The following SPDEF variants were observed in gnomAD, a reference collection of about 807,000 sequenced individuals.
The protein encoded by SPDEF is SAM pointed domain containing ETS transcription factor, also known as SAM pointed domain-containing Ets transcription factor.
A neutral mutation model predicts 36.0 loss-of-function variants in SPDEF; 12 were observed. That is an observed-to-expected ratio of 0.33 (90% CI 0.21 to 0.54). The LOEUF (loss-of-function observed/expected upper bound fraction) is 0.54. Among genes scored for constraint, SPDEF ranks in the 20% least tolerant of loss-of-function variants. The pLI is 0.93. For synonymous variants in SPDEF, 205 were observed against 193.0 expected, an observed-to-expected ratio of 1.06 and a Z score of -0.51; for missense variants, 388 against 456.9, an observed-to-expected ratio of 0.85 and a Z score of 1.37.
intron 1 of SPDEF, among the ~76,000 whole-genome samples, chr6:34,554,269 A>G (rs538669102): frequency 2.6e-5 from 4 of 152,282 alleles, no homozygotes; most frequent in Non-Finnish European, 4.4e-5. Context: ...TTATACTCAC[A>G]ACGACCTCAG....
In SPDEF at chr6:34,539,487, G is replaced by A. The variant is rs769879073; in HGVS notation, c.682+28C>T. ...ACCCCTCCACCCCACCCGAGCCCCC[G>A]CCTCCACCCTGCCGCTGCCTGGCTC... On this transcript the variant is annotated intron_variant, in intron 4 of 5. Transcript: ENST00000374037. This position sits in a 1 kb window ranked among gnomAD's most constrained non-coding sequence, Gnocchi z 5.2. The A allele has an allele frequency of 1.4e-5, 21 of 1,532,978 alleles. No homozygotes were observed. The highest frequency in any genetic ancestry group is 1.8e-5 in the Admixed American group (1 of 55,766). The allele number at this position is 1,532,978 out of a possible 1,614,324, so 95.0% of individuals were successfully genotyped here.
Position 34,538,163 on chromosome 6 carries a change from G to T in SPDEF, c.*111C>A. 3.2e-6 allele frequency: 4 copies of T among 1,242,508 alleles called. No individual in the cohort carries two copies. The highest frequency in any genetic ancestry group is 3.4e-6 in the Non-Finnish European group (3 of 888,586). The allele number at this position is 1,242,508 out of a possible 1,614,324, so 77.0% of individuals were successfully genotyped here. On this transcript the variant is annotated 3_prime_UTR_variant, in exon 6 of 6. Coordinates refer to ENST00000374037, the MANE Select transcript of SPDEF (RefSeq NM_012391.3). The surrounding 1 kb of genome is among the most constrained non-coding windows in gnomAD (Gnocchi z 5.9). The stretch of plus-strand genomic sequence containing the variant: ...CCTCCCTGACCTTGGGCTCTGGAAG[G>T]TCAGAGCAGCAGAGCAGACTGCCCG...
chr6:34,544,147 G>T lies in SPDEF; in HGVS notation c.309C>A (p.Gly103=), dbSNP rs369051893. ...GCCCGCCGGGCACCAAGTCCAGGCTGCCCGCTGGGGCTTGGCTGTCAATGA... is the reference window on the plus strand; with the variant it reads ...GCCCGCCGGGCACCAAGTCCAGGCTTCCCGCTGGGGCTTGGCTGTCAATGA... ...CPVIDSQAPA[G]SLDLVPGGLT... The change falls in exon 2 of 6, where the codon GGC becomes GGA. Residue 103 remains glycine, a synonymous_variant. Coordinates refer to ENST00000374037, the MANE Select transcript of SPDEF (RefSeq NM_012391.3). This position sits in a 1 kb window ranked among gnomAD's most constrained non-coding sequence, Gnocchi z 4.4. 231 of 1,613,760 alleles carry T rather than the reference G, an allele frequency of 1.4e-4. 1 individual carries two copies. The highest frequency in any genetic ancestry group is 1.9e-4 in the Non-Finnish European group (223 of 1,179,946).
rs200023275 is a variant in SPDEF, at chr6:34,544,214, C to A, written c.242G>T (p.Ser81Ile). 1 of 1,613,864 alleles carries A rather than the reference C, an allele frequency of 6.2e-7. No homozygotes were observed. The highest frequency in any genetic ancestry group is 8.5e-7 in the Non-Finnish European group (1 of 1,179,952). ...SSWAAKAPGASSREEPPEEPE... is the reference protein window; with the variant it reads ...SSWAAKAPGAISREEPPEEPE... ...CTCCTCAGGTGGCTCCTCCCGACTG[C>A]TGGCCCCAGGGGCCTTGGCTGCCCA... The change falls in exon 2 of 6, where the codon AGC becomes ATC. Residue 81 changes from serine (S) to isoleucine (I), a missense_variant. Coordinates refer to ENST00000374037, the MANE Select transcript of SPDEF (RefSeq NM_012391.3). This position sits in a 1 kb window ranked among gnomAD's most constrained non-coding sequence, Gnocchi z 4.4.
At chr6:34,548,640 AG>A (rs34750257) in intron 1 of SPDEF, among the ~76,000 whole-genome samples, 1 of 152,224 alleles carries the variant, frequency 6.6e-6, no homozygotes, top group African/African-American at 2.4e-5. Flanking sequence ...GACCAGAACC[AG>A]GGATTGACAT....
intron 2 of SPDEF, among the ~76,000 whole-genome samples, chr6:34,542,455 C>T (rs544672082): frequency 1.2e-4 from 19 of 152,354 alleles, no homozygotes; most frequent in South Asian, 8.3e-4. Context: ...CGGGGCCTTC[C>T]GTCCCACAAG....
At chr6:34,545,808 CGGG>C in intron 1 of SPDEF, among the ~76,000 whole-genome samples, 1 of 151,904 alleles carries the variant, frequency 6.6e-6, no homozygotes, top group Non-Finnish European at 1.5e-5. Flanking sequence ...CTCAGCTACT[CGGG>C]AGGCTGAGGG....
At position 34,552,360 on chromosome 6, in the gene SPDEF, A is replaced by G. The variant is rs1248317238; in HGVS notation, c.-30+3569T>C. Reference sequence around the variant, plus strand: ...ACCGGAGCTCTGCTGCTCCTGCCTGAGGCCCCTTGGCCGATCCTCTTGGCC... The same window carrying G: ...ACCGGAGCTCTGCTGCTCCTGCCTGGGGCCCCTTGGCCGATCCTCTTGGCC... On this transcript the variant is annotated intron_variant, in intron 1 of 5. Coordinates refer to ENST00000374037, the MANE Select transcript of SPDEF (RefSeq NM_012391.3). The surrounding 1 kb of genome is among the most constrained non-coding windows in gnomAD (Gnocchi z 4.6). Among the ~76,000 whole-genome samples the G allele has an allele frequency of 6.6e-6, 1 of 152,230 alleles. No homozygotes were observed. Among genetic ancestry groups the G allele is most frequent in the Non-Finnish European group, 1.5e-5 (1 of 68,050 alleles).
chr6:34,538,128 G>T lies in SPDEF; in HGVS notation c.*146C>A. On this transcript the variant is annotated 3_prime_UTR_variant, in exon 6 of 6. Transcript: ENST00000374037. The surrounding 1 kb of genome is among the most constrained non-coding windows in gnomAD (Gnocchi z 5.9). ...AGAGGACCCATATCCCCCTGGGGCA[G>T]TTGGTTGCCCCTCCCTGACCTTGGG... 1.2e-6 allele frequency: 1 copy of T among 854,014 alleles called. No homozygotes were observed. Among genetic ancestry groups the T allele is most frequent in the Non-Finnish European group, 1.8e-6 (1 of 561,700 alleles). The allele number at this position is 854,014 out of a possible 1,614,324, so 52.9% of individuals were successfully genotyped here. A position where few individuals can be genotyped will look rare whatever the true frequency, so the allele number is the denominator to read the frequency against.
intron 1 of SPDEF, among the ~76,000 whole-genome samples, chr6:34,554,300 C>T (rs758708085): frequency 3.3e-5 from 5 of 152,312 alleles, no homozygotes; most frequent in South Asian, 2.1e-4. Context: ...TGGGTTCTCC[C>T]GGTTTTTGCA....
chr6:34,544,242 T>C lies in SPDEF; in HGVS notation c.214A>G (p.Ser72Gly), dbSNP rs775197790. ...GCCCCAGGGGCCTTGGCTGCCCAGC[T>C]GCTGTCCTCAGGGTACAGCATGTCA... Reference protein sequence around the residue: ...YFDMLYPEDSSWAAKAPGASS... With the variant: ...YFDMLYPEDSGWAAKAPGASS... Residue 72 changes from serine (S) to glycine (G), a missense_variant, in exon 2 of 6, where the codon AGC becomes GGC. Ser to Gly is a moderately conservative substitution (Grantham distance 56, BLOSUM62 0). Transcript: ENST00000374037. The surrounding 1 kb of genome is among the most constrained non-coding windows in gnomAD (Gnocchi z 4.4). The C allele has an allele frequency of 1.9e-5, 31 of 1,613,742 alleles. No individual in the cohort carries two copies. The highest frequency in any genetic ancestry group is 2.6e-5 in the Non-Finnish European group (31 of 1,179,962).
chr6:34,553,177 C>T (rs878873768), intron 1 of SPDEF, among the ~76,000 whole-genome samples: 3 of 152,276 alleles, frequency 2.0e-5, no homozygotes, highest in Admixed American at 2.0e-4. Context: ...GCCTCTCCCT[C>T]CCCAAGTCTG....
chr6:34,539,314 G>A lies in SPDEF; in HGVS notation c.765C>T (p.Leu255=). 1 of 1,613,972 alleles carries A rather than the reference G, an allele frequency of 6.2e-7. No individual in the cohort carries two copies. Among genetic ancestry groups the A allele is most frequent in the Non-Finnish European group, 8.5e-7 (1 of 1,180,050 alleles). The change falls in exon 5 of 6, where the codon CTC becomes CTT. Residue 255 remains leucine, a synonymous_variant. Coordinates refer to ENST00000374037, the MANE Select transcript of SPDEF (RefSeq NM_012391.3). The surrounding 1 kb of genome is among the most constrained non-coding windows in gnomAD (Gnocchi z 5.2). ...TGTGGGGCTTGAGTAGCAACTCCTT[G>A]AGGAACTGCCACAGGTGGATGGGCT... ...SGQPIHLWQF[L]KELLLKPHSY...
At chr6:34,543,071 A>C (rs1210336733) in intron 2 of SPDEF, among the ~76,000 whole-genome samples, 6 of 151,152 alleles carry the variant, frequency 4.0e-5, no homozygotes, top group Non-Finnish European at 8.9e-5. Flanking sequence ...GGGCGCCTGT[A>C]GTCCCAGCTA....
At position 34,539,617 on chromosome 6, in the gene SPDEF, A is replaced by AG; in HGVS notation, c.635-56dup. On this transcript the variant is annotated intron_variant, in intron 3 of 5. Transcript: ENST00000374037. This position sits in a 1 kb window ranked among gnomAD's most constrained non-coding sequence, Gnocchi z 5.2. ...CCAGGAGAGGCCCCGAGGGTGGAGG[A>AG]GGGGAGGCGTTTGGGTGGGACTGTG... 1 of 1,543,326 alleles carries AG rather than the reference A, an allele frequency of 6.5e-7. No homozygotes were observed. Among genetic ancestry groups the AG allele is most frequent in the Non-Finnish European group, 8.8e-7 (1 of 1,141,946 alleles).
At chr6:34,540,477 G>A (rs1393537619) in intron 3 of SPDEF, among the ~76,000 whole-genome samples, 1 of 151,826 alleles carries the variant, frequency 6.6e-6, no homozygotes, top group Non-Finnish European at 1.5e-5. Flanking sequence ...GACTTTCCCT[G>A]GAAAGATACT....
rs201119153 is a variant in SPDEF at position 34,541,118 on chromosome 6, C to T, written c.500G>A (p.Arg167Gln). The change falls in exon 3 of 6, where the codon CGG becomes CAG. Residue 167 changes from arginine (R) to glutamine (Q), a missense_variant. Arg to Gln is a conservative substitution (Grantham distance 43). This residue lies in a region of SPDEF where 308 missense variants were observed against 326.1 expected (regional missense o/e 0.94). Coordinates refer to ENST00000374037, the MANE Select transcript of SPDEF (RefSeq NM_012391.3). ...GAAGGCCTTGCCCATGGGGGGCAGC[C>T]GGTATTGGTGCTCTGTCCACAGGAG... ...KWLLWTEHQY[R>Q]LPPMGKAFQE... 1.2e-5 allele frequency: 20 copies of T among 1,610,146 alleles called. No individual in the cohort carries two copies. The highest frequency in any genetic ancestry group is 6.7e-5 in the East Asian group (3 of 44,796).
chr6:34,541,248 C>G, intron 2 of SPDEF, 67 bp from the exon 3 acceptor site: 1 of 1,454,360 alleles, frequency 6.9e-7, no homozygotes, highest in Non-Finnish European at 9.3e-7. Flanking sequence ...GATGGGGCAC[C>G]CATGGGAACC....
intron 1 of SPDEF, among the ~76,000 whole-genome samples, chr6:34,546,281 T>C (rs2127289248): frequency 6.6e-6 from 1 of 152,234 alleles, no homozygotes; most frequent in South Asian, 2.1e-4. Flanking sequence ...GATCTTTGCT[T>C]TAAAGGTAAC....
Sources: gnomAD v4.1 joint callset for allele counts (sites outside exome capture counted in the v4.1 genomes callset) on GRCh38, gnomAD v4.1.1 for gene constraint, gnomAD v4.1.1 regional missense constraint, Gnocchi (gnomAD v3.1) non-coding constraint, MANE v1.5 for transcripts, NCBI Gene and HGNC (gene_info 2026-07-23, HGNC 2026-07-21) for gene names.